Variants in KBTBD11 observed in about 807,000 individuals in gnomAD.
The protein encoded by KBTBD11 is kelch repeat and BTB domain containing 11, also known as kelch repeat and BTB domain-containing protein 11.
For synonymous variants in KBTBD11, 747 were observed against 499.0 expected (o/e 1.50, Z -6.63); for missense variants, 1,390 against 1,001.8 (o/e 1.39, Z -5.23).
Position 2,002,571 on chromosome 8 carries a change from A to C in KBTBD11, c.1379A>C (p.Tyr460Ser). 5 of 1,581,418 alleles carry C rather than the reference A, an allele frequency of 3.2e-6. No homozygotes were observed. The highest frequency in any genetic ancestry group is 4.3e-6 in the Non-Finnish European group (5 of 1,172,958). ...HEATTCHGEIYVSGGSLFYRL... is the reference protein window; with the variant it reads ...HEATTCHGEISVSGGSLFYRL... The stretch of plus-strand genomic sequence containing the variant: ...GCCACCACCTGCCACGGCGAGATCT[A>C]CGTGTCCGGGGGCTCCCTCTTCTAT... The change falls in exon 2 of 2, where the codon TAC becomes TCC. Residue 460 changes from tyrosine to serine, a missense_variant. Coordinates refer to ENST00000320248, the MANE Select transcript of KBTBD11 (RefSeq NM_014867.3). This position sits in a 1 kb window ranked among gnomAD's most constrained non-coding sequence, Gnocchi z 4.1.
rs1480879312 is a variant in KBTBD11 at position 2,004,272 on chromosome 8, A to G, written c.*1208A>G. The G allele has an allele frequency of 6.0e-6, 1 of 166,966 alleles. No individual in the cohort carries two copies. The highest frequency in any genetic ancestry group is 1.5e-5 in the Non-Finnish European group (1 of 68,122). 10.3% of individuals were successfully genotyped at this position (166,966 alleles called of 1,614,324 possible). On this transcript the variant is annotated 3_prime_UTR_variant, in exon 2 of 2. Transcript: ENST00000320248. ...ACTGCATTGACAGGGTATGAGGATT[A>G]AAAACAAATCAGTTGGGTCGTTTCT... is the stretch of plus-strand genomic sequence containing the variant.
chr8:1,988,689 G>C (rs113701420), intron 1 of KBTBD11, among the ~76,000 whole-genome samples: 3 of 152,140 alleles, frequency 2.0e-5, no homozygotes, highest in Non-Finnish European at 4.4e-5. Context: ...CCATTCAAAC[G>C]TGTGCAGTGG....
Position 2,002,060 on chromosome 8 carries a change from C to G in KBTBD11, c.868C>G (p.Arg290Gly). ...GGACCTGCTGCTGCGCCGCCGCCTG[C>G]GCGCCGGCCGCGCCCACCTCTTGGC... ...ERDLLLRRRL[R>G]AGRAHLLAAA... Residue 290 changes from arginine to glycine, a missense_variant, in exon 2 of 2, where the codon CGC (arginine) becomes GGC (glycine). Coordinates refer to ENST00000320248, the MANE Select transcript of KBTBD11 (RefSeq NM_014867.3). This position sits in a 1 kb window ranked among gnomAD's most constrained non-coding sequence, Gnocchi z 4.1. The G allele has an allele frequency of 8.7e-7, 1 of 1,154,158 alleles. No homozygotes were observed. Among genetic ancestry groups the G allele is most frequent in the Non-Finnish European group, 1.1e-6 (1 of 940,852 alleles). 71.5% of individuals were successfully genotyped at this position (1,154,158 alleles called of 1,614,324 possible). A position where few individuals can be genotyped will look rare whatever the true frequency, so the allele number is the denominator to read the frequency against.
At position 1,973,690 on chromosome 8, in the gene KBTBD11, G is replaced by C; in HGVS notation, c.-1154G>C. The C allele has an allele frequency of 8.1e-6, 8 of 983,488 alleles. No homozygotes were observed. Among genetic ancestry groups the C allele is most frequent in the Non-Finnish European group, 9.6e-6 (8 of 829,068 alleles). 60.9% of individuals were successfully genotyped at this position (983,488 alleles called of 1,614,324 possible). On this transcript the variant is annotated 5_prime_UTR_variant, in exon 1 of 2. Transcript: ENST00000320248. ...GCCCCCCTCCCCGCGCCCCGCGCGC[G>C]CCCCTCGCAGCCTGGAGCCGGAGCG... is the stretch of plus-strand genomic sequence containing the variant.
intron 1 of KBTBD11, among the ~76,000 whole-genome samples, chr8:1,982,406 A>G (rs932192276): frequency 3.3e-5 from 5 of 152,234 alleles, no homozygotes; most frequent in African/African-American, 9.6e-5. Flanking sequence ...CTTACCTATC[A>G]TAATTACCTT....
intron 1 of KBTBD11, among the ~76,000 whole-genome samples, chr8:1,978,251 G>T (rs2129308192): frequency 6.6e-6 from 1 of 152,290 alleles, no homozygotes; most frequent in East Asian, 1.9e-4. Context: ...GTGGTGTTTG[G>T]TTTTCTGTTC....
At chr8:1,993,377 CCG>C in intron 1 of KBTBD11, among the ~76,000 whole-genome samples, 1 of 132,524 alleles carries the variant, frequency 7.5e-6, no homozygotes, top group African/African-American at 2.7e-5. Context: ...GTCCGTCCGT[CCG>C]TCCGTCCGTC....
intron 1 of KBTBD11, among the ~76,000 whole-genome samples, chr8:1,984,446 C>T (rs908716180): frequency 6.6e-6 from 1 of 151,918 alleles, no homozygotes; most frequent in African/African-American, 2.4e-5. Context: ...CCGCACCACA[C>T]CTGGCTAATT....
chr8:1,987,603 C>T (rs1025879621), intron 1 of KBTBD11, among the ~76,000 whole-genome samples: 3 of 152,100 alleles, frequency 2.0e-5, no homozygotes, highest in African/African-American at 7.2e-5. Context: ...GTCTGTACCT[C>T]GAGGACTTCT....
chr8:1,980,563 A>T (rs1816506353), intron 1 of KBTBD11, among the ~76,000 whole-genome samples: 1 of 152,254 alleles, frequency 6.6e-6, no homozygotes, highest in South Asian at 2.1e-4. Context: ...ATGAAGCTAC[A>T]GCCTCTGCCT....
chr8:1,988,010 G>T (rs1816760286), intron 1 of KBTBD11, among the ~76,000 whole-genome samples: 1 of 152,092 alleles, frequency 6.6e-6, no homozygotes, highest in African/African-American at 2.4e-5. Flanking sequence ...GTGATAGTTT[G>T]CTGAGAATGA....
rs759682166 is a variant in KBTBD11 at position 2,001,395 on chromosome 8, G to T, written c.203G>T (p.Ser68Ile). Residue 68 changes from serine (S) to isoleucine (I), a missense_variant, in exon 2 of 2, where the codon AGC becomes ATC. Ser to Ile is a moderately radical substitution (Grantham distance 142). Coordinates refer to ENST00000320248, the MANE Select transcript of KBTBD11 (RefSeq NM_014867.3). ...AEGAATSPPS[S>I]GGPRVVERQW... is the part of the protein sequence containing the mutation. ...GGCGCGGCCACCTCCCCGCCCTCCA[G>T]CGGTGGCCCGCGGGTGGTGGAGCGG... 4 of 1,422,678 alleles carry T rather than the reference G, an allele frequency of 2.8e-6. No homozygotes were observed. In the African/African-American group the frequency reaches 4.5e-5, roughly 16 times the overall value. 88.1% of individuals were successfully genotyped at this position (1,422,678 alleles called of 1,614,324 possible).
In KBTBD11 at chr8:2,002,508, C is replaced by T. The variant is rs1387428035; in HGVS notation, c.1316C>T (p.Ala439Val). 6.6e-7 allele frequency: 1 copy of T among 1,513,810 alleles called. No homozygotes were observed. The highest frequency in any genetic ancestry group is 2.6e-5 in the East Asian group (1 of 39,192). 93.8% of individuals were successfully genotyped at this position (1,513,810 alleles called of 1,614,324 possible). A position where few individuals can be genotyped will look rare whatever the true frequency, so the allele number is the denominator to read the frequency against. Residue 439 changes from alanine to valine, a missense_variant, in exon 2 of 2, where the codon GCG (alanine) becomes GTG (valine). Coordinates refer to ENST00000320248, the MANE Select transcript of KBTBD11 (RefSeq NM_014867.3). The surrounding 1 kb of genome is among the most constrained non-coding windows in gnomAD (Gnocchi z 4.1). Reference protein sequence around the residue: ...DPRADRWAPVAPLPRGAFAVA... With the variant: ...DPRADRWAPVVPLPRGAFAVA... ...CGCGCCGACCGCTGGGCCCCCGTGG[C>T]GCCGCTGCCCCGGGGCGCCTTCGCC...
intron 1 of KBTBD11, among the ~76,000 whole-genome samples, chr8:1,988,672 C>T (rs1208311957): frequency 2.0e-5 from 3 of 152,146 alleles, no homozygotes; most frequent in Non-Finnish European, 4.4e-5. Context: ...TGTCCTGGTT[C>T]CTGAATCCAT....
intron 1 of KBTBD11, among the ~76,000 whole-genome samples, chr8:1,993,499 A>G (rs1274119532): frequency 3.4e-5 from 2 of 57,976 alleles, no homozygotes; most frequent in African/African-American, 8.9e-5. Flanking sequence ...CCATCCGTCC[A>G]TCCATCCATC....
At chr8:1,982,571 A>C (rs568573423) in intron 1 of KBTBD11, among the ~76,000 whole-genome samples, 1 of 152,278 alleles carries the variant, frequency 6.6e-6, no homozygotes, top group South Asian at 2.1e-4. Context: ...CAGATACTCC[A>C]CGCAAATTGA....
rs1817333497 is a variant in KBTBD11 at position 2,001,226 on chromosome 8, C to G, written c.34C>G (p.Pro12Ala). 3 of 1,465,136 alleles carry G rather than the reference C, an allele frequency of 2.0e-6. No individual in the cohort carries two copies. 90.8% of individuals were successfully genotyped at this position (1,465,136 alleles called of 1,614,324 possible). A position where few individuals can be genotyped will look rare whatever the true frequency, so the allele number is the denominator to read the frequency against. The change falls in exon 2 of 2, where the codon CCA (proline) becomes GCA (alanine). Residue 12 changes from proline (P) to alanine (A), a missense_variant. Coordinates refer to ENST00000320248, the MANE Select transcript of KBTBD11 (RefSeq NM_014867.3). Reference protein sequence around the residue: ...EHAVAPCVLYPGTEPGAAGES... With the variant: ...EHAVAPCVLYAGTEPGAAGES... ...CGCGGTGGCCCCCTGCGTCCTCTAC[C>G]CAGGGACTGAGCCCGGGGCTGCCGG... is the stretch of plus-strand genomic sequence containing the variant.
chr8:1,985,713 G>A (rs762829042), intron 1 of KBTBD11, among the ~76,000 whole-genome samples: 3 of 152,308 alleles, frequency 2.0e-5, no homozygotes, highest in Admixed American at 1.3e-4. Context: ...GAATCTCAGC[G>A]CTTTGGGAGT....
Position 2,000,591 on chromosome 8 carries a change from T to G in KBTBD11, c.-602T>G, listed in dbSNP as rs144512270. 1.3e-5 allele frequency: 2 copies of G among 152,312 alleles called. No homozygotes were observed. The highest frequency in any genetic ancestry group is 3.9e-4 in the East Asian group (2 of 5,192). 9.4% of individuals were successfully genotyped at this position (152,312 alleles called of 1,614,324 possible). A position where few individuals can be genotyped will look rare whatever the true frequency, so the allele number is the denominator to read the frequency against. The stretch of plus-strand genomic sequence containing the variant: ...GGGGACTCTTTTCAAGACACGGTGT[T>G]AAATCAAGGCTCTGAAGTTGGGGCC... On this transcript the variant is annotated 5_prime_UTR_variant, in exon 2 of 2. Coordinates refer to ENST00000320248, the MANE Select transcript of KBTBD11 (RefSeq NM_014867.3).
Sources: gnomAD v4.1 joint callset for allele counts (sites outside exome capture counted in the v4.1 genomes callset) on GRCh38, gnomAD v4.1.1 for gene constraint, Gnocchi (gnomAD v3.1) non-coding constraint, MANE v1.5 for transcripts, NCBI Gene and HGNC (gene_info 2026-07-23, HGNC 2026-07-21) for gene names.